Variants in UBE2N observed in about 807,000 individuals in gnomAD.
UBE2N encodes ubiquitin-conjugating enzyme E2 N.
For missense variants in UBE2N, 60 were observed against 192.1 expected (o/e 0.31, Z 4.07); for synonymous variants, 70 against 69.2 (o/e 1.01, Z -0.06).
chr12:93,429,752 G>T (rs1219382249), intron 1 of UBE2N, among the ~76,000 whole-genome samples: 1 of 151,786 alleles, frequency 6.6e-6, no homozygotes, highest in African/African-American at 2.4e-5. Context: ...ATATGTGTGT[G>T]TATGTCTTAG....
chr12:93,434,397 C>G (rs975913974), intron 1 of UBE2N, among the ~76,000 whole-genome samples: 3 of 152,222 alleles, frequency 2.0e-5, no homozygotes, highest in African/African-American at 7.2e-5. Context: ...TCATTTAGCA[C>G]AGTGAATACT....
Position 93,429,279 on chromosome 12 carries a change from AAAAG to A in UBE2N, c.30+12572_30+12575del, listed in dbSNP as rs1489073975. ...AGGGAGACTCTGTCTCAAAAAAAAA[AAAAG>A]AAAGAAAGAAAACACAAAACTCAAC... On this transcript the variant is annotated intron_variant, in intron 1 of 3. Transcript: ENST00000318066. 52 of 425,872 alleles carry A rather than the reference AAAAG, an allele frequency of 1.2e-4. No homozygotes were observed. The East Asian group carries it at 2.7e-3, about 22-fold the overall frequency. The allele number at this position is 425,872 out of a possible 1,614,324, so 26.4% of individuals were successfully genotyped here.
intron 1 of UBE2N, among the ~76,000 whole-genome samples, chr12:93,425,489 C>T (rs1050616292): frequency 1.3e-5 from 2 of 152,140 alleles, no homozygotes; most frequent in African/African-American, 4.8e-5. Flanking sequence ...TAAACTAGTT[C>T]CTAGAGATCA....
At chr12:93,427,591 G>C (rs1341027010) in intron 1 of UBE2N, among the ~76,000 whole-genome samples, 1 of 152,208 alleles carries the variant, frequency 6.6e-6, no homozygotes, top group East Asian at 1.9e-4. Flanking sequence ...GTTGCCAGGG[G>C]TTGAAGGTAG....
At chr12:93,422,723 G>A (rs1435205082) in intron 1 of UBE2N, among the ~76,000 whole-genome samples, 1 of 151,362 alleles carries the variant, frequency 6.6e-6, no homozygotes, top group Non-Finnish European at 1.5e-5. Flanking sequence ...TAGATTGTGG[G>A]TTTTTTCTTT....
At chr12:93,414,969 T>A (rs1878157097) in intron 1 of UBE2N, among the ~76,000 whole-genome samples, 1 of 152,218 alleles carries the variant, frequency 6.6e-6, no homozygotes, top group South Asian at 2.1e-4. Flanking sequence ...CTGAATCTAT[T>A]TGATGTTATG....
At chr12:93,419,183 T>C (rs1364564850) in intron 1 of UBE2N, among the ~76,000 whole-genome samples, 1 of 152,182 alleles carries the variant, frequency 6.6e-6, no homozygotes, top group Non-Finnish European at 1.5e-5. Flanking sequence ...GCAGATCACC[T>C]GAGGTCAGGA....
In UBE2N at chr12:93,405,876, TTAAA is replaced by T. The variant is rs1221142751; in HGVS notation, c.*4159_*4162del. ...ATTCGAATGAAATATTACATTTTTC[TTAAA>T]TAAAGCAATAAATTAGGTACCCTAT... On this transcript the variant is annotated 3_prime_UTR_variant, in exon 4 of 4. Transcript: ENST00000318066. 5.3e-5 allele frequency: 8 copies of T among 152,232 alleles called. No individual in the cohort carries two copies. Among genetic ancestry groups the T allele is most frequent in the South Asian group, 2.1e-4 (1 of 4,834 alleles). 9.4% of individuals were successfully genotyped at this position (152,232 alleles called of 1,614,324 possible). A position where few individuals can be genotyped will look rare whatever the true frequency, so the allele number is the denominator to read the frequency against.
chr12:93,424,081 C>T (rs1193439087), intron 1 of UBE2N, among the ~76,000 whole-genome samples: 1 of 152,090 alleles, frequency 6.6e-6, no homozygotes, highest in East Asian at 1.9e-4. Flanking sequence ...CTGATAAAGA[C>T]AAAAGCCCTT....
At chr12:93,422,019 T>C (rs997553706) in intron 1 of UBE2N, among the ~76,000 whole-genome samples, 2 of 152,240 alleles carry the variant, frequency 1.3e-5, no homozygotes, top group Non-Finnish European at 2.9e-5. Flanking sequence ...TACAGGGCTA[T>C]TATGTTCTTG....
In UBE2N at chr12:93,409,979, A is replaced by G. The variant is rs1483578765; in HGVS notation, c.*60T>C. 6.4e-6 allele frequency: 10 copies of G among 1,554,160 alleles called. No homozygotes were observed. The South Asian group carries it at 1.1e-4, about 17-fold the overall frequency. On this transcript the variant is annotated 3_prime_UTR_variant, in exon 4 of 4. Coordinates refer to ENST00000318066, the MANE Select transcript of UBE2N (RefSeq NM_003348.4). ...AAGACTGTGTCCATTAAATGCAAAC[A>G]AAGAGGAGGAAGTCTTGGCAGAACA...
In UBE2N at chr12:93,408,251, T is replaced by C. The variant is rs1333956925; in HGVS notation, c.*1788A>G. The C allele has an allele frequency of 6.6e-6, 1 of 152,232 alleles. No homozygotes were observed. Among genetic ancestry groups the C allele is most frequent in the Non-Finnish European group, 1.5e-5 (1 of 68,042 alleles). 9.4% of individuals were successfully genotyped at this position (152,232 alleles called of 1,614,324 possible). A position where few individuals can be genotyped will look rare whatever the true frequency, so the allele number is the denominator to read the frequency against. On this transcript the variant is annotated 3_prime_UTR_variant, in exon 4 of 4. Transcript: ENST00000318066. ...TGTTATAAATGACAGCTGCTATCAG[T>C]TTTCAAATTTTACAATATTAGGGTT...
chr12:93,418,832 T>C (rs1332123859), intron 1 of UBE2N, among the ~76,000 whole-genome samples: 1 of 152,230 alleles, frequency 6.6e-6, no homozygotes, highest in Non-Finnish European at 1.5e-5. Context: ...AAATTAATGA[T>C]GTATTTTATC....
Position 93,422,853 on chromosome 12 carries a change from T to G in UBE2N, c.31-11554A>C, listed in dbSNP as rs557400008. ...TTAAAAATTCCCCCACTCATTCATA[T>G]GTTCCTTTAGCTCCCACTCTTTAGT... is the stretch of plus-strand genomic sequence containing the variant. On this transcript the variant is annotated intron_variant, in intron 1 of 3. Coordinates refer to ENST00000318066, the MANE Select transcript of UBE2N (RefSeq NM_003348.4). 2.2e-3 allele frequency among the ~76,000 whole-genome samples: 328 copies of G among 152,366 alleles called. 1 individual carries two copies. Among genetic ancestry groups the G allele is most frequent in the Non-Finnish European group, 3.4e-3 (231 of 68,034 alleles).
chr12:93,407,127 C>G lies in UBE2N; in HGVS notation c.*2912G>C, dbSNP rs2121042995. 1 of 152,588 alleles carries G rather than the reference C, an allele frequency of 6.6e-6. No homozygotes were observed. The highest frequency in any genetic ancestry group is 2.1e-4 in the South Asian group (1 of 4,826). The allele number at this position is 152,588 out of a possible 1,614,324, so 9.5% of individuals were successfully genotyped here. On this transcript the variant is annotated 3_prime_UTR_variant, in exon 4 of 4. Transcript: ENST00000318066. Reference sequence around the variant, plus strand: ...CCTCCTAAAGTGCTGGGATTACAGGCATGAGCCACTGTGCCCGGCCTGGGC... The same window carrying G: ...CCTCCTAAAGTGCTGGGATTACAGGGATGAGCCACTGTGCCCGGCCTGGGC...
intron 1 of UBE2N, among the ~76,000 whole-genome samples, chr12:93,417,550 C>T (rs1296446124): frequency 6.6e-6 from 1 of 152,166 alleles, no homozygotes; most frequent in Non-Finnish European, 1.5e-5. Flanking sequence ...ATCTATATCC[C>T]AGTGCATCCT....
rs189963688 is a variant in UBE2N, at chr12:93,409,923, T to A, written c.*116A>T. ...CATTTAATCACCAAAGGACTGAAGA[T>A]GTCTGGGCTTTTTTATTCTGTAATG... On this transcript the variant is annotated 3_prime_UTR_variant, in exon 4 of 4. Transcript: ENST00000318066. 136 of 989,312 alleles carry A rather than the reference T, an allele frequency of 1.4e-4. 1 individual carries two copies. In the East Asian group the frequency reaches 3.0e-3, roughly 22 times the overall value. 61.3% of individuals were successfully genotyped at this position (989,312 alleles called of 1,614,324 possible). A position where few individuals can be genotyped will look rare whatever the true frequency, so the allele number is the denominator to read the frequency against.
At chr12:93,426,390 CAA>C (rs57644203) in intron 1 of UBE2N, among the ~76,000 whole-genome samples, 1,112 of 101,146 alleles carry the variant, frequency 0.011, 9 homozygotes, top group African/African-American at 0.026. Flanking sequence ...AAACTGCATC[CAA>C]AAAAAAAAAA....
rs548356177 is a variant in UBE2N, at chr12:93,434,133, T to TA, written c.30+7721dup. 4.8e-3 allele frequency among the ~76,000 whole-genome samples: 724 copies of TA among 151,600 alleles called. 5 individuals are homozygous for TA. Among genetic ancestry groups the TA allele is most frequent in the African/African-American group, 0.015 (632 of 41,356 alleles). ...TGGTGAAACCCGTCTCTACTAAAAA[T>TA]AAAAAAAAATTAGCTGGGTGTGGTG... On this transcript the variant is annotated intron_variant, in intron 1 of 3. Transcript: ENST00000318066.
Sources: allele counts gnomAD v4.1 joint callset (sites outside exome capture counted in the v4.1 genomes callset), GRCh38; gene constraint gnomAD v4.1.1; transcripts MANE v1.5; gene names NCBI Gene and HGNC (gene_info 2026-07-23, HGNC 2026-07-21).